DTL: variants seen among roughly 807,000 people sequenced by gnomAD.
DTL encodes denticleless E3 ubiquitin protein ligase adapter, also known as denticleless protein homolog.
In DTL, 46 loss-of-function variants were observed where a neutral mutation model predicts 87.0. The ratio of observed to expected loss-of-function variants is 0.53; its 90% CI spans 0.42 to 0.68. DTL has a LOEUF of 0.68. Ranked by LOEUF, DTL falls within the 30% of genes least tolerant of loss-of-function variation. DTL has a pLI of 0.00. For missense variants in DTL, 737 were observed against 869.4 expected (o/e 0.85, Z 1.91); for synonymous variants, 308 against 311.2 (o/e 0.99, Z 0.11).
chr1:212,100,028 T>C (rs1253947514), intron 13 of DTL, among the ~76,000 whole-genome samples: 1 of 152,192 alleles, frequency 6.6e-6, no homozygotes, highest in Admixed American at 6.5e-5. Flanking sequence ...ATTTTGTCGA[T>C]TTTTACAAGT....
At chr1:212,083,242 C>T (rs1655037516) in intron 13 of DTL, among the ~76,000 whole-genome samples, 1 of 152,068 alleles carries the variant, frequency 6.6e-6, no homozygotes, top group South Asian at 2.1e-4. Flanking sequence ...GAGAAACTCC[C>T]CCTTATAATA....
chr1:212,042,178 A>G (rs1459807365), intron 1 of DTL, among the ~76,000 whole-genome samples: 1 of 152,224 alleles, frequency 6.6e-6, no homozygotes, highest in Non-Finnish European at 1.5e-5. Flanking sequence ...TATATTTAAA[A>G]TGTCTTGATC....
intron 10 of DTL, among the ~76,000 whole-genome samples, chr1:212,070,118 CGTGA>C (rs1198454551): frequency 1.3e-5 from 2 of 152,098 alleles, no homozygotes; most frequent in Middle Eastern, 3.2e-3. Flanking sequence ...AAAGATAAAG[CGTGA>C]TCCTGATTAT....
intron 8 of DTL, among the ~76,000 whole-genome samples, chr1:212,067,122 GAGC>G (rs1181506909): frequency 6.6e-6 from 1 of 152,256 alleles, no homozygotes; most frequent in Non-Finnish European, 1.5e-5. Flanking sequence ...TAGCACATAA[GAGC>G]AGTGGTAGCT....
At chr1:212,084,022 G>A (rs1206952238) in intron 13 of DTL, among the ~76,000 whole-genome samples, 1 of 152,068 alleles carries the variant, frequency 6.6e-6, no homozygotes, top group African/African-American at 2.4e-5. Context: ...AGGTTAATGG[G>A]GAATTGAAGG....
chr1:212,046,608 A>G (rs1473186258), intron 3 of DTL, among the ~76,000 whole-genome samples: 1 of 152,192 alleles, frequency 6.6e-6, no homozygotes, highest in Non-Finnish European at 1.5e-5. Flanking sequence ...ATGTCCCTGC[A>G]AAGGACATGA....
intron 13 of DTL, among the ~76,000 whole-genome samples, chr1:212,083,747 TCAAG>T (rs1465833635): frequency 6.6e-6 from 1 of 152,152 alleles, no homozygotes; most frequent in Non-Finnish European, 1.5e-5. Flanking sequence ...GCAAAAATCT[TCAAG>T]CAATGAGCCA....
intron 5 of DTL, among the ~76,000 whole-genome samples, chr1:212,059,179 C>T (rs755883650): frequency 5.9e-5 from 9 of 151,852 alleles, no homozygotes; most frequent in Non-Finnish European, 1.0e-4. Context: ...TCTACAAGGC[C>T]AGCATTATTC....
Position 212,087,403 on chromosome 1 carries a change from A to C in DTL, c.1261+6653A>C, listed in dbSNP as rs13374660. 3.3e-3 allele frequency among the ~76,000 whole-genome samples: 499 copies of C among 152,184 alleles called. 5 individuals carry two copies. Among genetic ancestry groups the C allele is most frequent in the African/African-American group, 0.011 (472 of 41,534 alleles). On this transcript the variant is annotated intron_variant, in intron 13 of 14. Coordinates refer to ENST00000366991, the MANE Select transcript of DTL (RefSeq NM_016448.4). Reference sequence around the variant, plus strand: ...CTCTACTAAAAATACAAAAAAAATTAGCCGGGCATGGTGGCACACGCCTGT... The same window carrying C: ...CTCTACTAAAAATACAAAAAAAATTCGCCGGGCATGGTGGCACACGCCTGT...
At chr1:212,078,618 G>A (rs113803992) in intron 12 of DTL, among the ~76,000 whole-genome samples, 167 of 152,190 alleles carry the variant, frequency 1.1e-3, no homozygotes, top group African/African-American at 3.9e-3. Context: ...TATTATCAAT[G>A]TAGTATATTA....
In DTL at chr1:212,065,009, A is replaced by G. The variant is rs1260982210; in HGVS notation, c.619A>G (p.Lys207Glu). The change falls in exon 7 of 15, where the codon AAA becomes GAA. Residue 207 changes from lysine (K) to glutamate (E), a missense_variant. By Grantham distance (56) the Lys-to-Glu change is moderately conservative. Transcript: ENST00000366991. ...PSKPKKKQNS[K>E]GLAPSVDFQQ... The stretch of plus-strand genomic sequence containing the variant: ...AAAACCCAAGAAGAAACAGAATTCA[A>G]AAGGACTTGCTCCTTCTGTGGTAAG... 1.2e-6 allele frequency: 2 copies of G among 1,613,440 alleles called. No homozygotes were observed. Among genetic ancestry groups the G allele is most frequent in the Non-Finnish European group, 1.7e-6 (2 of 1,179,462 alleles).
chr1:212,062,533 A>C (rs1654359149), intron 5 of DTL, among the ~76,000 whole-genome samples: 1 of 152,222 alleles, frequency 6.6e-6, no homozygotes. Context: ...GCAAGGATTG[A>C]GATAATTTTT....
At chr1:212,099,903 T>A (rs559949043) in intron 13 of DTL, among the ~76,000 whole-genome samples, 2 of 152,284 alleles carry the variant, frequency 1.3e-5, no homozygotes, top group East Asian at 3.9e-4. Context: ...TCAGTCTCAT[T>A]TTTGTAAAGA....
chr1:212,093,158 G>A (rs540370864), intron 13 of DTL, among the ~76,000 whole-genome samples: 7 of 152,074 alleles, frequency 4.6e-5, no homozygotes, highest in Admixed American at 6.6e-5. Flanking sequence ...CAGGGCGTGC[G>A]ATGAGGGTGT....
chr1:212,072,200 C>A lies in DTL; in HGVS notation c.1022C>A (p.Ala341Asp), dbSNP rs752912904. ...GTCAGTGGCTCAAGTGATGAAGCTG[C>A]CTACATATGGAAGGTAAGTTGCTAA... ...FLVSGSSDEA[A>D]YIWKVSTPWQ... The change falls in exon 11 of 15, where the codon GCC (alanine) becomes GAC (aspartate). Residue 341 changes from alanine (A) to aspartate (D), a missense_variant. Physicochemically the swap from Ala to Asp is moderately radical, Grantham distance 126. Transcript: ENST00000366991. 6.2e-7 allele frequency: 1 copy of A among 1,613,020 alleles called. No homozygotes were observed.
intron 5 of DTL, among the ~76,000 whole-genome samples, chr1:212,051,123 A>G (rs1341521270): frequency 2.0e-5 from 3 of 151,974 alleles, no homozygotes; most frequent in Non-Finnish European, 4.4e-5. Flanking sequence ...CTTCTTGGAC[A>G]GTTTCATCTG....
intron 13 of DTL, among the ~76,000 whole-genome samples, chr1:212,085,291 T>C (rs531975378): frequency 5.3e-5 from 8 of 152,360 alleles, no homozygotes; most frequent in African/African-American, 1.7e-4. Context: ...ATTTCTCTTA[T>C]GTTCTTGTCA....
chr1:212,078,342 G>A, intron 12 of DTL, 80 bp downstream of exon 12: 1 of 903,504 alleles, frequency 1.1e-6, no homozygotes, highest in Non-Finnish European at 1.8e-6. Context: ...TTTTGAGAAT[G>A]ATATAAATTT....
intron 5 of DTL, among the ~76,000 whole-genome samples, chr1:212,048,179 G>A (rs555214724): frequency 6.6e-6 from 1 of 152,006 alleles, no homozygotes; most frequent in African/African-American, 2.4e-5. Flanking sequence ...TAAATGGCCT[G>A]TTTTTTGTTT....
Sources: allele counts gnomAD v4.1 joint callset (sites outside exome capture counted in the v4.1 genomes callset), GRCh38; gene constraint gnomAD v4.1.1; transcripts MANE v1.5; gene names NCBI Gene and HGNC (gene_info 2026-07-23, HGNC 2026-07-21).